CELA3A: variants seen among roughly 807,000 people sequenced by gnomAD.
The protein encoded by CELA3A is chymotrypsin-like elastase family member 3A.
In CELA3A, 35 loss-of-function variants were observed where a neutral mutation model predicts 38.6. The observed-to-expected ratio is 0.91, with a 90% CI of 0.69 to 1.20. The LOEUF is 1.20. CELA3A is among the 50% of genes most tolerant of loss of function. CELA3A has a pLI of 0.00. For synonymous variants in CELA3A, 143 were observed against 136.7 expected (o/e 1.05, Z -0.32); for missense variants, 343 against 354.2 (o/e 0.97, Z 0.25).
Position 22,009,740 on chromosome 1 carries a change from G to T in CELA3A, c.678G>T (p.Glu226Asp). The T allele has an allele frequency of 1.2e-6, 2 of 1,612,240 alleles. No homozygotes were observed. The highest frequency in any genetic ancestry group is 2.2e-5 in the East Asian group (1 of 44,686). The stretch of plus-strand genomic sequence containing the variant: ...GAGGACCCCTCAACTGCCCCACAGA[G>T]GATGGTGGCTGGCAGGTCCACGGTG... ...DSGGPLNCPT[E>D]DGGWQVHGVT... Residue 226 changes from glutamate to aspartate, a missense_variant, in exon 7 of 8, where the codon GAG (glutamate) becomes GAT (aspartate). Transcript: ENST00000290122.
chr1:22,004,921 G>C (rs1029545672), intron 2 of CELA3A, among the ~76,000 whole-genome samples: 32 of 151,134 alleles, frequency 2.1e-4, no homozygotes, highest in African/African-American at 7.6e-4. Context: ...CCAACATGGT[G>C]AAACTCCGTG....
intron 2 of CELA3A, among the ~76,000 whole-genome samples, chr1:22,003,541 T>C (rs1359416249): frequency 4.6e-5 from 7 of 150,594 alleles, no homozygotes; most frequent in African/African-American, 1.7e-4. Context: ...TTAGGCCAGG[T>C]GCGGTGGCTC....
chr1:22,010,251 C>A (rs1430911354), intron 7 of CELA3A: 2 of 379,570 alleles, frequency 5.3e-6, no homozygotes, highest in Non-Finnish European at 1.1e-5. Context: ...AGGCCCCAGA[C>A]TTCATCTGGG....
At position 22,007,329 on chromosome 1, in the gene CELA3A, G is replaced by T; in HGVS notation, c.500-44G>T. 6 of 1,574,670 alleles carry T rather than the reference G, an allele frequency of 3.8e-6. 1 individual carries two copies. Among genetic ancestry groups the T allele is most frequent in the Non-Finnish European group, 4.3e-6 (5 of 1,160,458 alleles). On this transcript the variant is annotated intron_variant, in intron 5 of 7. Coordinates refer to ENST00000290122, the MANE Select transcript of CELA3A (RefSeq NM_005747.5). ...GCCCCCTTCCTCTGGGGCACCTAGC[G>T]GTGTGCCCCCAGACCCCTGACTCGG...
chr1:22,001,796 C>T, intron 1 of CELA3A, 79 bp downstream of exon 1: 2 of 1,571,052 alleles, frequency 1.3e-6, no homozygotes, highest in Non-Finnish European at 1.8e-6. Context: ...CGCTCTGAGT[C>T]CCATGACATG....
Position 22,007,457 on chromosome 1 carries a change from G to T in CELA3A, c.584G>T (p.Gly195Val). 2 of 1,612,648 alleles carry T rather than the reference G, an allele frequency of 1.2e-6. No homozygotes were observed. Among genetic ancestry groups the T allele is most frequent in the Middle Eastern group, 1.7e-4 (1 of 6,056 alleles). ...YKHCSRWNWW[G>V]STVKKTMVCA... is the part of the protein sequence containing the mutation. Reference sequence around the variant, plus strand: ...CACTGCTCCAGGTGGAACTGGTGGGGTTCCACCGTGAAGAAAACCATGGTG... The same window carrying T: ...CACTGCTCCAGGTGGAACTGGTGGGTTTCCACCGTGAAGAAAACCATGGTG... The change falls in exon 6 of 8, where the codon GGT becomes GTT. Residue 195 changes from glycine to valine, a missense_variant. By Grantham distance (109) the Gly-to-Val change is moderately radical. Transcript: ENST00000290122.
Position 22,002,312 on chromosome 1 carries a change from T to G in CELA3A, c.43+595T>G, listed in dbSNP as rs536686887. ...CCCATTTTACTGACCCTCAAGGAAG[T>G]AAAGTAGCTTATCATAGAACAAAAG... On this transcript the variant is annotated intron_variant, in intron 1 of 7. Coordinates refer to ENST00000290122, the MANE Select transcript of CELA3A (RefSeq NM_005747.5). 2.0e-5 allele frequency among the ~76,000 whole-genome samples: 3 copies of G among 151,462 alleles called. 1 individual carries two copies. In the South Asian group the frequency reaches 6.2e-4, roughly 32 times the overall value.
At position 22,005,724 on chromosome 1, in the gene CELA3A, A is replaced by T. The variant is rs149221484; in HGVS notation, c.290A>T (p.Glu97Val). Residue 97 changes from glutamate to valine, a missense_variant, in exon 4 of 8, where the codon GAG (glutamate) becomes GTG (valine). By Grantham distance (121) the Glu-to-Val change is moderately radical. Transcript: ENST00000290122. ...EYNLAVKEGPEQVIPINSEEL... is the reference protein window; with the variant it reads ...EYNLAVKEGPVQVIPINSEEL... ...AACCTTGCTGTGAAGGAGGGCCCCG[A>T]GCAGGTGATCCCCATCAACTCTGAG... is the stretch of plus-strand genomic sequence containing the variant. 6 of 1,612,320 alleles carry T rather than the reference A, an allele frequency of 3.7e-6. No individual in the cohort carries two copies. Among genetic ancestry groups the T allele is most frequent in the Non-Finnish European group, 5.1e-6 (6 of 1,179,448 alleles).
In CELA3A at chr1:22,007,502, G is replaced by T. The variant is rs202025337; in HGVS notation, c.629G>T (p.Arg210Leu). The T allele has an allele frequency of 1.2e-6, 2 of 1,606,364 alleles. No individual in the cohort carries two copies. Among genetic ancestry groups the T allele is most frequent in the East Asian group, 2.2e-5 (1 of 44,576 alleles). The change falls in exon 6 of 8, where the codon CGC becomes CTC. Residue 210 changes from arginine to leucine, a missense_variant. Physicochemically the swap from Arg to Leu is moderately radical, Grantham distance 102. Transcript: ENST00000290122. ...KTMVCAGGYI[R>L]SGCNGDSGGP... is the part of the protein sequence containing the mutation. ...ATGGTGTGTGCTGGAGGGTACATCC[G>T]CTCCGGCTGCAACGTGAGTCAGCTC...
rs770095041 is a variant in CELA3A at position 22,007,399 on chromosome 1, C to T, written c.526C>T (p.Gln176Ter). The T allele has an allele frequency of 7.4e-6, 12 of 1,611,986 alleles. No homozygotes were observed. The highest frequency in any genetic ancestry group is 1.0e-5 in the Non-Finnish European group (12 of 1,179,228). The change falls in exon 6 of 8, where the codon CAG becomes TAG. Residue 176 changes from glutamine to a stop codon, truncating the protein, a stop_gained. Transcript: ENST00000290122. LOFTEE classifies it high-confidence loss of function. Reference sequence around the variant, plus strand: ...CAATGGGCCACTCCCAGACAAGCTGCAGCAGGCCCGGCTGCCCGTGGTGGA... The same window carrying T: ...CAATGGGCCACTCCCAGACAAGCTGTAGCAGGCCCGGCTGCCCGTGGTGGA... ...YTNGPLPDKLQQARLPVVDYK... is the reference protein window; with the variant it reads ...YTNGPLPDKL
chr1:22,001,806 G>C lies in CELA3A; in HGVS notation c.43+89G>C, dbSNP rs555204798. 163 of 1,554,786 alleles carry C rather than the reference G, an allele frequency of 1.0e-4. 2 individuals carry two copies. The highest frequency in any genetic ancestry group is 3.2e-4 in the South Asian group (29 of 89,858). ...CCACTCGCTCTGAGTCCCATGACAT[G>C]CTATGCCTGGTTCCACAGGAGGGGG... On this transcript the variant is annotated intron_variant, in intron 1 of 7. Coordinates refer to ENST00000290122, the MANE Select transcript of CELA3A (RefSeq NM_005747.5).
chr1:22,005,727 A>T lies in CELA3A; in HGVS notation c.293A>T (p.Gln98Leu). Residue 98 changes from glutamine to leucine, a missense_variant, in exon 4 of 8, where the codon CAG (glutamine) becomes CTG (leucine). Gln to Leu is a moderately radical substitution (Grantham distance 113, BLOSUM62 -2). Coordinates refer to ENST00000290122, the MANE Select transcript of CELA3A (RefSeq NM_005747.5). ...YNLAVKEGPE[Q>L]VIPINSEELF... ...CTTGCTGTGAAGGAGGGCCCCGAGC[A>T]GGTGATCCCCATCAACTCTGAGGAG... 1 of 1,612,432 alleles carries T rather than the reference A, an allele frequency of 6.2e-7. No homozygotes were observed. The highest frequency in any genetic ancestry group is 8.5e-7 in the Non-Finnish European group (1 of 1,179,456).
At chr1:22,009,294 G>A (rs1644969555) in intron 6 of CELA3A, among the ~76,000 whole-genome samples, 1 of 151,334 alleles carries the variant, frequency 6.6e-6, no homozygotes, top group Non-Finnish European at 1.5e-5. Flanking sequence ...AACCCTGGAG[G>A]CAGAGCTTGC....
chr1:22,001,669 A>G lies in CELA3A; in HGVS notation c.-6A>G, dbSNP rs776737681. ...TCTGTGCCCTTTTCCTATCATCACAAAACTCATGATGCTCCGGCTGCTCAG... is the reference window on the plus strand; with the variant it reads ...TCTGTGCCCTTTTCCTATCATCACAGAACTCATGATGCTCCGGCTGCTCAG... On this transcript the variant is annotated 5_prime_UTR_variant, in exon 1 of 8. Transcript: ENST00000290122. The G allele has an allele frequency of 6.2e-6, 10 of 1,611,720 alleles. No individual in the cohort carries two copies. Among genetic ancestry groups the G allele is most frequent in the Non-Finnish European group, 8.5e-6 (10 of 1,179,326 alleles).
At position 22,005,613 on chromosome 1, in the gene CELA3A, G is replaced by C. The variant is rs369359264; in HGVS notation, c.228-49G>C. 5.6e-5 allele frequency: 90 copies of C among 1,611,798 alleles called. 1 individual carries two copies. Among genetic ancestry groups the C allele is most frequent in the Non-Finnish European group, 6.4e-5 (75 of 1,179,206 alleles). On this transcript the variant is annotated intron_variant, in intron 3 of 7. Coordinates refer to ENST00000290122, the MANE Select transcript of CELA3A (RefSeq NM_005747.5). ...GGGAGAGTGGGTGATGATGGGGAAG[G>C]AGGGAGGTGAGCCAGTCAGGCCCCG... is the stretch of plus-strand genomic sequence containing the variant.
rs139136175 is a variant in CELA3A, at chr1:22,005,550, T to A, written c.227+6T>A. 1.0e-3 allele frequency: 1,645 copies of A among 1,612,728 alleles called. 12 individuals carry two copies. The highest frequency in any genetic ancestry group is 7.2e-3 in the African/African-American group (537 of 74,426). Reference sequence around the variant, plus strand: ...ACTGCCGGCCACTGCATCTCGTGAGTTCTCTACCCTGTCCCTGCCTGTGGC... The same window carrying A: ...ACTGCCGGCCACTGCATCTCGTGAGATCTCTACCCTGTCCCTGCCTGTGGC... On this transcript the variant is annotated splice_donor_region_variant and intron_variant, in intron 3 of 7. Coordinates refer to ENST00000290122, the MANE Select transcript of CELA3A (RefSeq NM_005747.5).
At chr1:22,002,394 T>A (rs1444712517) in intron 1 of CELA3A, 6 of 378,720 alleles carry the variant, frequency 1.6e-5, no homozygotes, top group Non-Finnish European at 3.1e-5. Context: ...GATGGGGTCT[T>A]GCTTTGTTGC....
At chr1:22,005,619 G>C (rs768153279) in intron 3 of CELA3A, 43 bp from the exon 4 acceptor site, 1 of 1,611,918 alleles carries the variant, frequency 6.2e-7, no homozygotes, top group Non-Finnish European at 8.5e-7. Context: ...GAAGGAGGGA[G>C]GTGAGCCAGT....
At position 22,007,699 on chromosome 1, in the gene CELA3A, C is replaced by T. The variant is rs538873049; in HGVS notation, c.642+184C>T. The stretch of plus-strand genomic sequence containing the variant: ...GCCCAGGCCTGGGAGTCAGGACCCC[C>T]GGGTTGCAGTCTCAGCTCACACACT... On this transcript the variant is annotated intron_variant, in intron 6 of 7. Coordinates refer to ENST00000290122, the MANE Select transcript of CELA3A (RefSeq NM_005747.5). Among the ~76,000 whole-genome samples, 16 of 151,168 alleles carry T rather than the reference C, an allele frequency of 1.1e-4. 1 individual carries two copies. The highest frequency in any genetic ancestry group is 2.7e-4 in the African/African-American group (11 of 40,856).
Sources: allele counts gnomAD v4.1 joint callset (sites outside exome capture counted in the v4.1 genomes callset), GRCh38; gene constraint gnomAD v4.1.1; transcripts MANE v1.5; gene names NCBI Gene and HGNC (gene_info 2026-07-23, HGNC 2026-07-21).